TRPM3: variants seen among roughly 807,000 people sequenced by gnomAD.
The protein encoded by TRPM3 is transient receptor potential cation channel subfamily M member 3, also known as long transient receptor potential channel 3.
TRPM3 carries 77 observed loss-of-function variants against 181.2 expected under a neutral mutation model. That is an observed-to-expected ratio of 0.42 (90% CI 0.35 to 0.51). The LOEUF is 0.51. Ranked by LOEUF, TRPM3 falls within the 20% of genes least tolerant of loss-of-function variation. TRPM3 has a pLI of 0.01. For missense variants in TRPM3, 1,759 were observed against 2,196.7 expected (o/e 0.80, Z 3.98); for synonymous variants, 745 against 796.4 (o/e 0.94, Z 1.09).
intron 1 of TRPM3, among the ~76,000 whole-genome samples, chr9:71,218,899 T>C (rs2080066318): frequency 6.6e-6 from 1 of 152,230 alleles, no homozygotes; most frequent in South Asian, 2.1e-4. Flanking sequence ...AGTTACAGTC[T>C]ACTGGGAAAA....
intron 14 of TRPM3, among the ~76,000 whole-genome samples, chr9:70,623,233 G>A (rs1289149437): frequency 3.9e-5 from 6 of 151,934 alleles, no homozygotes; most frequent in African/African-American, 1.2e-4. Flanking sequence ...GAGTGTAGTC[G>A]CACATGCCTG....
chr9:71,160,100 G>C (rs1587708286), intron 1 of TRPM3, among the ~76,000 whole-genome samples: 1 of 151,942 alleles, frequency 6.6e-6, no homozygotes. Context: ...AGTTATACTG[G>C]CCTCCATGTT....
intron 1 of TRPM3, among the ~76,000 whole-genome samples, chr9:71,201,394 G>T (rs1345252576): frequency 1.3e-5 from 2 of 152,084 alleles, no homozygotes; most frequent in South Asian, 4.1e-4. Flanking sequence ...GGTGTTCTCT[G>T]TATTTCCTGA....
intron 16 of TRPM3, among the ~76,000 whole-genome samples, chr9:70,619,340 T>C (rs2063258661): frequency 6.6e-6 from 1 of 151,876 alleles, no homozygotes; most frequent in Admixed American, 6.6e-5. Context: ...GGCCCTCAGA[T>C]TCAGTCATAT....
chr9:71,023,686 G>C (rs2097864315), intron 1 of TRPM3, among the ~76,000 whole-genome samples: 1 of 151,034 alleles, frequency 6.6e-6, no homozygotes, highest in Non-Finnish European at 1.5e-5. Flanking sequence ...AATGTCTCCA[G>C]GGGATGATGC....
intron 1 of TRPM3, among the ~76,000 whole-genome samples, chr9:71,107,931 C>T (rs2070099877): frequency 6.6e-6 from 1 of 152,090 alleles, no homozygotes; most frequent in Non-Finnish European, 1.5e-5. Context: ...TGGGATGTTG[C>T]AATTTCAGTC....
intron 1 of TRPM3, among the ~76,000 whole-genome samples, chr9:71,345,508 C>A (rs1336406548): frequency 1.3e-5 from 2 of 151,868 alleles, no homozygotes; most frequent in Admixed American, 1.3e-4. Context: ...CCAAACACCG[C>A]ATATTCTCAC....
intron 1 of TRPM3, among the ~76,000 whole-genome samples, chr9:70,916,134 G>A (rs1201709578): frequency 1.3e-5 from 2 of 152,166 alleles, no homozygotes; most frequent in African/African-American, 4.8e-5. Flanking sequence ...CCCTAGAATA[G>A]TATGTTCAGC....
chr9:70,551,253 T>C (rs1450112792), intron 24 of TRPM3, among the ~76,000 whole-genome samples: 2 of 152,224 alleles, frequency 1.3e-5, no homozygotes, highest in Non-Finnish European at 2.9e-5. Context: ...TACAGATGGA[T>C]AGTGAAAAGT....
intron 3 of TRPM3, among the ~76,000 whole-genome samples, chr9:70,849,391 C>T (rs981146992): frequency 7.9e-5 from 12 of 152,086 alleles, no homozygotes; most frequent in Admixed American, 5.2e-4. Context: ...GTGATCTGCC[C>T]ACCTCGGCCT....
chr9:71,126,801 G>C (rs965163335), intron 1 of TRPM3, among the ~76,000 whole-genome samples: 1 of 152,128 alleles, frequency 6.6e-6, no homozygotes, highest in Non-Finnish European at 1.5e-5. Context: ...TCCACCCTCT[G>C]CACAAATGCC....
chr9:70,923,654 AT>A (rs2096682796), intron 1 of TRPM3, among the ~76,000 whole-genome samples: 2 of 151,932 alleles, frequency 1.3e-5, no homozygotes, highest in Admixed American at 6.6e-5. Context: ...CAGTTGTCAA[AT>A]GTGTTTCCTA....
intron 8 of TRPM3, among the ~76,000 whole-genome samples, chr9:70,682,059 C>T (rs560744931): frequency 6.6e-6 from 1 of 152,254 alleles, no homozygotes; most frequent in South Asian, 2.1e-4. Context: ...TTGGACTTCT[C>T]AGCCTCCAGA....
At chr9:71,317,210 C>G (rs11142799) in intron 1 of TRPM3, among the ~76,000 whole-genome samples, 2,171 of 152,248 alleles carry the variant, frequency 0.014, 27 homozygotes, top group Non-Finnish European at 0.023. Flanking sequence ...AGAGCTGAAT[C>G]TATCATTTCT....
At position 71,251,154 on chromosome 9, in the gene TRPM3, T is replaced by C. The variant is rs142343449; in HGVS notation, c.183+195499A>G. Among the ~76,000 whole-genome samples, 9 of 152,352 alleles carry C rather than the reference T, an allele frequency of 5.9e-5. No homozygotes were observed. In the East Asian group the frequency reaches 1.2e-3, roughly 20 times the overall value. ...GTTTGATAACAATTTTCTGAAGCCATATCCCAAGACTTCTACCAGCTTCAT... is the reference window on the plus strand; with the variant it reads ...GTTTGATAACAATTTTCTGAAGCCACATCCCAAGACTTCTACCAGCTTCAT... On this transcript the variant is annotated intron_variant, in intron 1 of 24. Transcript: ENST00000357533.
rs1391944569 is a variant in TRPM3 at position 70,529,292 on chromosome 9, A to G, written c.*6661T>C. The G allele has an allele frequency of 6.6e-6, 1 of 152,246 alleles. No homozygotes were observed. Among genetic ancestry groups the G allele is most frequent in the Non-Finnish European group, 1.5e-5 (1 of 68,044 alleles). 9.4% of individuals were successfully genotyped at this position (152,246 alleles called of 1,614,324 possible). A position where few individuals can be genotyped will look rare whatever the true frequency, so the allele number is the denominator to read the frequency against. ...TATGCATACCGTGGTCCATCCATAC[A>G]CAAAGAAGGAAAAGATGTATATATA... On this transcript the variant is annotated 3_prime_UTR_variant, in exon 26 of 26. Coordinates refer to ENST00000677713, the MANE Select transcript of TRPM3 (RefSeq NM_001366145.2).
chr9:70,579,624 A>G (rs917683120), intron 22 of TRPM3, among the ~76,000 whole-genome samples: 1 of 152,256 alleles, frequency 6.6e-6, no homozygotes, highest in East Asian at 1.9e-4. Flanking sequence ...AACCTAGCTG[A>G]ACTGAAAAAG....
At chr9:70,829,068 G>A (rs952191529) in intron 5 of TRPM3, among the ~76,000 whole-genome samples, 1 of 152,130 alleles carries the variant, frequency 6.6e-6, no homozygotes, top group Non-Finnish European at 1.5e-5. Context: ...CATGGTCTTA[G>A]TACAGCTATC....
At chr9:70,655,394 G>A (rs1360978243) in intron 9 of TRPM3, among the ~76,000 whole-genome samples, 1 of 150,558 alleles carries the variant, frequency 6.6e-6, no homozygotes, top group Admixed American at 6.6e-5. Flanking sequence ...AGAGCCCTAA[G>A]GTTGACCTGC....
Sources: allele counts gnomAD v4.1 joint callset (sites outside exome capture counted in the v4.1 genomes callset), GRCh38; gene constraint gnomAD v4.1.1; transcripts MANE v1.5; gene names NCBI Gene and HGNC (gene_info 2026-07-23, HGNC 2026-07-21).